Variants in STAU1 observed in about 807,000 individuals in gnomAD.
STAU1 encodes double-stranded RNA-binding protein Staufen homolog 1.
A neutral mutation model predicts 62.9 loss-of-function variants in STAU1; 13 were observed. The observed-to-expected ratio is 0.21, with a 90% CI of 0.13 to 0.33. The LOEUF is 0.33. STAU1 is among the 10% of genes least tolerant of loss of function. STAU1 has a pLI of 1.00. For missense variants in STAU1, 571 were observed against 712.1 expected, an observed-to-expected ratio of 0.80 and a Z score of 2.25; for synonymous variants, 269 against 265.1, an observed-to-expected ratio of 1.01 and a Z score of -0.14.
chr20:49,172,027 A>T (rs2093603801), intron 2 of STAU1, among the ~76,000 whole-genome samples: 1 of 152,194 alleles, frequency 6.6e-6, no homozygotes, highest in Admixed American at 6.5e-5. Context: ...AAATTAACCA[A>T]AAATAATGCC....
the STAU1 span, among the ~76,000 whole-genome samples, chr20:49,206,638 A>G: frequency 6.9e-6 from 1 of 145,406 alleles, no homozygotes; most frequent in African/African-American, 2.5e-5. Context: ...CTGAGATTAT[A>G]GGCATGAGCC....
chr20:49,149,252 ACACACAC>A (rs1314681962), intron 5 of STAU1, among the ~76,000 whole-genome samples: 92 of 5,064 alleles, frequency 0.018, no homozygotes, highest in African/African-American at 0.022. Context: ...CTGTCTCAAA[ACACACAC>A]ACACACACAC....
chr20:49,144,893 T>C (rs1430625848), intron 5 of STAU1, among the ~76,000 whole-genome samples: 1 of 152,170 alleles, frequency 6.6e-6, no homozygotes, highest in East Asian at 1.9e-4. Flanking sequence ...TTGAAATAAT[T>C]ATGTGGAATA....
At chr20:49,201,071 A>AAAAAAAAGAAG in the STAU1 span, among the ~76,000 whole-genome samples, 292 of 104,250 alleles carry the variant, frequency 2.8e-3, 5 homozygotes, top group East Asian at 8.5e-3. Context: ...AAAAAAAAAA[A>AAAAAAAAGAAG]AAGAAGAAGA....
Position 49,118,359 on chromosome 20 carries a change from G to A in STAU1, c.1163C>T (p.Pro388Leu). The A allele has an allele frequency of 6.2e-7, 1 of 1,613,320 alleles. No individual in the cohort carries two copies. The highest frequency in any genetic ancestry group is 8.5e-7 in the Non-Finnish European group (1 of 1,179,770). Reference sequence around the variant, plus strand: ...AGTCCCATTTTCATCCCCAGAGCCAGGTTCAAAAAAGGTTACTTTTCTTCC... The same window carrying A: ...AGTCCCATTTTCATCCCCAGAGCCAAGTTCAAAAAAGGTTACTTTTCTTCC... ...GDGRKVTFFE[P>L]GSGDENGTSN... Residue 388 changes from proline to leucine, a missense_variant, in exon 10 of 14, where the codon CCT becomes CTT. Physicochemically the swap from Pro to Leu is moderately conservative, Grantham distance 98 (BLOSUM62 -3). Around this residue, in one of 3 missense-constraint regions of STAU1, gnomAD observed 414 missense variants for 499.6 expected, o/e 0.83. Coordinates refer to ENST00000371856, the MANE Select transcript of STAU1 (RefSeq NM_017453.4).
intron 7 of STAU1, 65 bp from the exon 8 acceptor site, chr20:49,123,300 GA>G: frequency 6.2e-7 from 1 of 1,610,242 alleles, no homozygotes; most frequent in Non-Finnish European, 8.5e-7. Flanking sequence ...TCAACTCAGA[GA>G]TCAGGATATG....
chr20:49,165,909 G>A (rs1020333537), intron 3 of STAU1, 88 bp downstream of exon 3: 2 of 1,351,760 alleles, frequency 1.5e-6, no homozygotes, highest in African/African-American at 2.9e-5. Flanking sequence ...AGGTAAATGT[G>A]AGAGCTCCCT....
intron 3 of STAU1, chr20:49,159,222 T>C (rs2093413988): frequency 1.5e-5 from 14 of 925,526 alleles, no homozygotes; most frequent in Non-Finnish European, 1.8e-5. Flanking sequence ...CATCCGGTGC[T>C]ACCTGCCACT....
chr20:49,118,893 C>T (rs967679347), intron 9 of STAU1, among the ~76,000 whole-genome samples: 8 of 152,200 alleles, frequency 5.3e-5, no homozygotes, highest in African/African-American at 1.4e-4. Flanking sequence ...TCTAACACAA[C>T]ATCACCTTTC....
At chr20:49,154,156 G>T in intron 3 of STAU1, 85 bp from the exon 4 acceptor site, 3 of 1,373,666 alleles carry the variant, frequency 2.2e-6, no homozygotes, top group Non-Finnish European at 2.9e-6. Context: ...CATGCTTTCT[G>T]CTAATTGGAT....
chr20:49,203,814 G>A, the STAU1 span, among the ~76,000 whole-genome samples: 3 of 152,328 alleles, frequency 2.0e-5, no homozygotes, highest in African/African-American at 7.2e-5. Context: ...AGCTTCCTGA[G>A]TAGCTGGGAT....
intron 2 of STAU1, among the ~76,000 whole-genome samples, chr20:49,168,651 T>C (rs1023235046): frequency 4.5e-4 from 68 of 152,230 alleles, no homozygotes; most frequent in African/African-American, 1.6e-3. Context: ...TAGTTTAAAA[T>C]TTTTATGTGT....
chr20:49,149,062 G>A (rs188038065), intron 5 of STAU1, among the ~76,000 whole-genome samples: 61 of 152,152 alleles, frequency 4.0e-4, no homozygotes, highest in Admixed American at 3.4e-3. Context: ...ACCAGCCTGG[G>A]CAGTACAGTG....
chr20:49,136,608 A>C (rs1398261545), intron 5 of STAU1, among the ~76,000 whole-genome samples: 3 of 152,228 alleles, frequency 2.0e-5, no homozygotes, highest in African/African-American at 4.8e-5. Context: ...GGAAAAGTCA[A>C]AATACAGACA....
At chr20:49,171,702 A>T (rs2146458080) in intron 2 of STAU1, among the ~76,000 whole-genome samples, 1 of 152,154 alleles carries the variant, frequency 6.6e-6, no homozygotes, top group South Asian at 2.1e-4. Flanking sequence ...CAGCCCCCCA[A>T]AATAGTAATT....
intron 6 of STAU1, among the ~76,000 whole-genome samples, chr20:49,128,418 G>A (rs1219325992): frequency 6.6e-6 from 1 of 152,052 alleles, no homozygotes; most frequent in East Asian, 1.9e-4. Context: ...GCAGGAACAA[G>A]CATGCTAGCA....
chr20:49,195,911 A>G, the STAU1 span, among the ~76,000 whole-genome samples: 48 of 90,624 alleles, frequency 5.3e-4, no homozygotes, highest in East Asian at 4.0e-3. Context: ...AAAAAAAAAA[A>G]AAAAAAGAAA....
At chr20:49,160,050 C>T (rs1459213765) in intron 3 of STAU1, among the ~76,000 whole-genome samples, 1 of 152,214 alleles carries the variant, frequency 6.6e-6, no homozygotes, top group Non-Finnish European at 1.5e-5. Flanking sequence ...ATTTACTAGG[C>T]ATTGTGCTCC....
At chr20:49,184,101 T>C (rs569923767) in intron 1 of STAU1, among the ~76,000 whole-genome samples, 9 of 152,172 alleles carry the variant, frequency 5.9e-5, no homozygotes, top group African/African-American at 2.2e-4. Flanking sequence ...GGCTAATTTT[T>C]TTTATTTTTA....
Sources: gnomAD v4.1 joint callset for allele counts (sites outside exome capture counted in the v4.1 genomes callset) on GRCh38, gnomAD v4.1.1 for gene constraint, gnomAD v4.1.1 regional missense constraint, MANE v1.5 for transcripts, NCBI Gene and HGNC (gene_info 2026-07-23, HGNC 2026-07-21) for gene names.